Variants in LARGE1 observed in about 807,000 individuals in gnomAD.
The protein encoded by LARGE1 is LARGE xylosyl- and glucuronyltransferase 1.
LARGE1 carries 43 observed loss-of-function variants against 87.6 expected under a neutral mutation model. The observed-to-expected ratio is 0.49, with a 90% CI of 0.38 to 0.63. The LOEUF (loss-of-function observed/expected upper bound fraction) is 0.63, where lower values mean the gene tolerates loss of function less well. LARGE1 is among the 30% of genes least tolerant of loss of function. LARGE1 has a pLI of 0.00. For synonymous variants in LARGE1, 434 were observed against 394.6 expected, an observed-to-expected ratio of 1.10 and a Z score of -1.18; for missense variants, 802 against 1,000.2, an observed-to-expected ratio of 0.80 and a Z score of 2.67.
At chr22:33,864,908 ACT>A (rs1280938514) in intron 1 of LARGE1, among the ~76,000 whole-genome samples, 1 of 151,660 alleles carries the variant, frequency 6.6e-6, no homozygotes, top group Non-Finnish European at 1.5e-5. Context: ...TCTCTCGCTC[ACT>A]CTCTCACATG....
chr22:33,136,272 G>T, the LARGE1 span, among the ~76,000 whole-genome samples: 1 of 152,198 alleles, frequency 6.6e-6, no homozygotes, highest in Non-Finnish European at 1.5e-5. Context: ...CAGACTCACG[G>T]TTCCACATGG....
chr22:33,683,432 A>C (rs960850333), intron 2 of LARGE1, among the ~76,000 whole-genome samples: 3 of 152,260 alleles, frequency 2.0e-5, no homozygotes, highest in Non-Finnish European at 4.4e-5. Flanking sequence ...CTAGGTCTCC[A>C]GCTTTGCTGA....
intron 1 of LARGE1, among the ~76,000 whole-genome samples, chr22:33,844,814 G>A (rs376488062): frequency 8.6e-5 from 13 of 151,138 alleles, no homozygotes; most frequent in African/African-American, 1.9e-4. Flanking sequence ...TCCGCCTCCC[G>A]GGCTCAAGAG....
At chr22:33,628,022 AC>A (rs2079978738) in intron 3 of LARGE1, among the ~76,000 whole-genome samples, 1 of 151,820 alleles carries the variant, frequency 6.6e-6, no homozygotes, top group Non-Finnish European at 1.5e-5. Flanking sequence ...TATGCACTCT[AC>A]CCCCACATTC....
chr22:33,653,283 C>T (rs915813974), intron 2 of LARGE1, among the ~76,000 whole-genome samples: 1 of 152,162 alleles, frequency 6.6e-6, no homozygotes, highest in Non-Finnish European at 1.5e-5. Context: ...GATGCAGAAA[C>T]CAAGACTAAA....
intron 6 of LARGE1, among the ~76,000 whole-genome samples, chr22:33,501,749 G>A (rs892901915): frequency 2.6e-5 from 4 of 152,186 alleles, no homozygotes; most frequent in South Asian, 2.1e-4. Flanking sequence ...GGGTGATGCC[G>A]TCCTTCGAGC....
At chr22:33,372,206 A>C (rs757824608) in intron 9 of LARGE1, among the ~76,000 whole-genome samples, 3 of 152,176 alleles carry the variant, frequency 2.0e-5, no homozygotes, top group Non-Finnish European at 4.4e-5. Context: ...ATTTGAGTCT[A>C]TTAAAACATG....
chr22:33,567,354 T>G (rs1276346860), intron 5 of LARGE1, among the ~76,000 whole-genome samples: 1 of 152,200 alleles, frequency 6.6e-6, no homozygotes, highest in Non-Finnish European at 1.5e-5. Flanking sequence ...ATATACTCAG[T>G]AATAAGCTCC....
chr22:33,604,463 A>G lies in LARGE1; in HGVS notation c.587T>C (p.Val196Ala). Residue 196 changes from valine to alanine, a missense_variant, in exon 5 of 15, where the codon GTG becomes GCG. Transcript: ENST00000397394. ...GAGCTCGTCTGCATTGTAGAAGTCC[A>G]CACGCACAGCGGGCACCATCCAGGT... Reference protein sequence around the residue: ...FQTWMVPAVRVDFYNADELKS... With the variant: ...FQTWMVPAVRADFYNADELKS... The G allele has an allele frequency of 6.2e-7, 1 of 1,614,110 alleles. No homozygotes were observed.
chr22:33,754,167 T>C (rs2084421574), intron 2 of LARGE1, among the ~76,000 whole-genome samples: 1 of 152,060 alleles, frequency 6.6e-6, no homozygotes, highest in Admixed American at 6.6e-5. Flanking sequence ...TTAAAGAGAC[T>C]CTTAACAGTC....
rs143848674 is a variant in LARGE1 at position 33,549,240 on chromosome 22, T to C, written c.787+15608A>G. Among the ~76,000 whole-genome samples, 309 of 151,740 alleles carry C rather than the reference T, an allele frequency of 2.0e-3. 2 individuals carry two copies. The highest frequency in any genetic ancestry group is 7.3e-3 in the African/African-American group (299 of 40,988). ...GAAGAGACCAGCATATTTGTCTTCATTGACAGGCCACATATGTCTTTGTCA... is the reference window on the plus strand; with the variant it reads ...GAAGAGACCAGCATATTTGTCTTCACTGACAGGCCACATATGTCTTTGTCA... On this transcript the variant is annotated intron_variant, in intron 6 of 14. Coordinates refer to ENST00000397394, the MANE Select transcript of LARGE1 (RefSeq NM_133642.5).
chr22:33,226,456 C>T (rs1482997996), intron 11 of LARGE1, among the ~76,000 whole-genome samples: 1 of 152,220 alleles, frequency 6.6e-6, no homozygotes, highest in African/African-American at 2.4e-5. Flanking sequence ...ATCATTGCTT[C>T]TAGGACACAT....
chr22:33,166,757 G>A, exon 12 of LARGE1: 3 of 471,434 alleles, frequency 6.4e-6, no homozygotes, highest in South Asian at 4.6e-5. Flanking sequence ...CCAACGCCGA[G>A]GACAATTATA....
At chr22:33,816,689 TAGACAGACAGACAGAC>T (rs1226644906) in intron 1 of LARGE1, among the ~76,000 whole-genome samples, 7 of 132,478 alleles carry the variant, frequency 5.3e-5, no homozygotes, top group Non-Finnish European at 8.5e-5. Context: ...GATAGATAGA[TAGACAGACAGACAGAC>T]AGACAGACAG....
At chr22:33,426,233 A>T in intron 7 of LARGE1, among the ~76,000 whole-genome samples, 1 of 152,196 alleles carries the variant, frequency 6.6e-6, no homozygotes, top group East Asian at 1.9e-4. Context: ...TAGACGATAA[A>T]CTTTTTGAAG....
At chr22:33,654,984 T>TA (rs2080921424) in intron 2 of LARGE1, among the ~76,000 whole-genome samples, 1 of 152,224 alleles carries the variant, frequency 6.6e-6, no homozygotes, top group Admixed American at 6.5e-5. Flanking sequence ...TCAAGACTAT[T>TA]GATCATACAC....
At chr22:33,410,864 T>G (rs1459739387) in intron 7 of LARGE1, among the ~76,000 whole-genome samples, 1 of 152,160 alleles carries the variant, frequency 6.6e-6, no homozygotes, top group South Asian at 2.1e-4. Context: ...GGGAATTATA[T>G]GAGCTGGTGC....
chr22:33,480,494 G>C (rs1569200967), intron 6 of LARGE1, among the ~76,000 whole-genome samples: 1 of 152,176 alleles, frequency 6.6e-6, no homozygotes, highest in Non-Finnish European at 1.5e-5. Flanking sequence ...TGTGCTCCCA[G>C]GGAGTATTTT....
intron 12 of LARGE1, among the ~76,000 whole-genome samples, chr22:33,291,191 T>A (rs1160112206): frequency 3.9e-5 from 6 of 152,320 alleles, no homozygotes; most frequent in Non-Finnish European, 8.8e-5. Flanking sequence ...TTAACCTATG[T>A]TGGTCCACAG....
Sources: allele counts gnomAD v4.1 joint callset (sites outside exome capture counted in the v4.1 genomes callset), GRCh38; gene constraint gnomAD v4.1.1; transcripts MANE v1.5; gene names NCBI Gene and HGNC (gene_info 2026-07-23, HGNC 2026-07-21).